The following CCDC171 variants were observed in gnomAD, a reference collection of about 807,000 sequenced individuals.
The protein encoded by CCDC171 is coiled-coil domain containing 171, also known as coiled-coil domain-containing protein 171.
CCDC171 carries 177 observed loss-of-function variants against 168.2 expected under a neutral mutation model. The ratio of observed to expected loss-of-function variants is 1.05; its 90% CI spans 0.93 to 1.19. CCDC171 has a LOEUF of 1.19. Among genes scored for constraint, CCDC171 ranks in the 50% most tolerant of loss-of-function variants. The probability of loss-of-function intolerance (pLI) is 0.00; values close to 1 mark genes in which losing one functional copy is unlikely to be tolerated. For synonymous variants in CCDC171, 687 were observed against 540.8 expected (o/e 1.27, Z -3.75); for missense variants, 1,991 against 1,539.0 (o/e 1.29, Z -4.91).
intron 14 of CCDC171, among the ~76,000 whole-genome samples, chr9:15,727,301 A>G (rs2053868091): frequency 6.6e-6 from 1 of 152,194 alleles, no homozygotes; most frequent in African/African-American, 2.4e-5. Context: ...GGCTTGGGAT[A>G]GATTTCCTAT....
chr9:15,827,104 G>C (rs1044014279), intron 21 of CCDC171, among the ~76,000 whole-genome samples: 6 of 152,106 alleles, frequency 3.9e-5, no homozygotes, highest in African/African-American at 1.4e-4. Context: ...TGAATATGCT[G>C]GTCCTTCCTT....
intron 7 of CCDC171, among the ~76,000 whole-genome samples, chr9:15,644,906 G>C (rs938747829): frequency 6.6e-6 from 1 of 152,208 alleles, no homozygotes; most frequent in Admixed American, 6.5e-5. Context: ...GGTTCTCCCA[G>C]CATGGAGTTT....
the CCDC171 span, among the ~76,000 whole-genome samples, chr9:16,105,538 T>C: frequency 6.6e-6 from 1 of 152,208 alleles, no homozygotes; most frequent in African/African-American, 2.4e-5. Flanking sequence ...GTAATTGTTA[T>C]TGGAACTAGC....
intron 25 of CCDC171, among the ~76,000 whole-genome samples, chr9:15,945,750 G>C (rs1828281914): frequency 6.6e-6 from 1 of 151,706 alleles, no homozygotes; most frequent in Non-Finnish European, 1.5e-5. Flanking sequence ...TTGTAAATTT[G>C]TTTGAGTTCA....
At chr9:15,720,788 C>G (rs899328043) in intron 11 of CCDC171, among the ~76,000 whole-genome samples, 1 of 152,100 alleles carries the variant, frequency 6.6e-6, no homozygotes, top group Non-Finnish European at 1.5e-5. Flanking sequence ...GTGCTGCACC[C>G]ATTAACTCGT....
At chr9:15,991,105 C>G (rs1428945143) in intron 3 of CCDC171, among the ~76,000 whole-genome samples, 1 of 152,178 alleles carries the variant, frequency 6.6e-6, no homozygotes, top group Non-Finnish European at 1.5e-5. Flanking sequence ...CTCTCCACCC[C>G]AAATCAACAG....
intron 25 of CCDC171, among the ~76,000 whole-genome samples, chr9:15,923,717 A>G (rs780413565): frequency 1.3e-5 from 2 of 151,564 alleles, no homozygotes; most frequent in Non-Finnish European, 3.0e-5. Flanking sequence ...CAATTTAACA[A>G]TGTATATATA....
chr9:15,862,211 C>G (rs561949324), intron 23 of CCDC171, among the ~76,000 whole-genome samples: 1 of 151,498 alleles, frequency 6.6e-6, no homozygotes, highest in South Asian at 2.1e-4. Flanking sequence ...TAAAAATTCT[C>G]TTTTTTTGAA....
In CCDC171 at chr9:15,642,705, G is replaced by C. The variant is rs571300428; in HGVS notation, c.823-14422G>C. On this transcript the variant is annotated intron_variant, in intron 7 of 25. Coordinates refer to ENST00000380701, the MANE Select transcript of CCDC171 (RefSeq NM_173550.4). ...CCTTACTGAGTAATTGATAGTTTCA[G>C]TAATAATAAGCACCTTATAATTTTC... Among the ~76,000 whole-genome samples, 30 of 152,074 alleles carry C rather than the reference G, an allele frequency of 2.0e-4. No individual in the cohort carries two copies. In the South Asian group the frequency reaches 6.2e-3, roughly 32 times the overall value.
At chr9:15,680,172 A>G (rs1036263840) in intron 10 of CCDC171, among the ~76,000 whole-genome samples, 7 of 152,200 alleles carry the variant, frequency 4.6e-5, no homozygotes, top group Non-Finnish European at 8.8e-5. Flanking sequence ...TTCATTTTAC[A>G]TACCTAGATT....
At chr9:16,060,462 C>G (rs1833916941) in intron 1 of CCDC171, among the ~76,000 whole-genome samples, 1 of 152,238 alleles carries the variant, frequency 6.6e-6, no homozygotes, top group Non-Finnish European at 1.5e-5. Context: ...ACCCCCCAGG[C>G]TGGGCCTCAG....
chr9:15,664,540 T>G (rs1023619192), intron 8 of CCDC171, among the ~76,000 whole-genome samples: 5 of 103,028 alleles, frequency 4.9e-5, no homozygotes, highest in African/African-American at 1.1e-4. Context: ...TGAGCCACTG[T>G]GCTTGGCCTG....
At chr9:15,706,479 G>A (rs1210958314) in intron 11 of CCDC171, among the ~76,000 whole-genome samples, 1 of 151,994 alleles carries the variant, frequency 6.6e-6, no homozygotes, top group Admixed American at 6.6e-5. Context: ...ATAGAGATGG[G>A]ATTTCACCAT....
At chr9:15,828,962 G>A (rs1005926734) in intron 21 of CCDC171, among the ~76,000 whole-genome samples, 3 of 152,152 alleles carry the variant, frequency 2.0e-5, no homozygotes, top group African/African-American at 7.2e-5. Flanking sequence ...GGCATGTTGA[G>A]TCCTGTCTCT....
In CCDC171 at chr9:15,827,346, T is replaced by C. The variant is rs1467986188; in HGVS notation, c.3268-19356T>C. Among the ~76,000 whole-genome samples the C allele has an allele frequency of 2.0e-5, 3 of 152,292 alleles. No individual in the cohort carries two copies. The East Asian group carries it at 5.8e-4, about 29-fold the overall frequency. ...AATTTCTATCTTCTACAGCTTGATTTACTCCCACCTTGTATTGTAGTGGTT... is the reference window on the plus strand; with the variant it reads ...AATTTCTATCTTCTACAGCTTGATTCACTCCCACCTTGTATTGTAGTGGTT... On this transcript the variant is annotated intron_variant, in intron 21 of 25. Coordinates refer to ENST00000380701, the MANE Select transcript of CCDC171 (RefSeq NM_173550.4).
chr9:15,593,929 A>G, intron 5 of CCDC171, 112 bp from the exon 6 acceptor site: 1 of 658,262 alleles, frequency 1.5e-6, no homozygotes, highest in Non-Finnish European at 2.7e-6. Context: ...ATGAATTATG[A>G]TGAGTTTTAA....
chr9:16,073,008 G>A, the CCDC171 span, among the ~76,000 whole-genome samples: 1 of 152,132 alleles, frequency 6.6e-6, no homozygotes, highest in Non-Finnish European at 1.5e-5. Flanking sequence ...ATGTCCTTGG[G>A]CAAGTTGCTT....
chr9:16,009,928 C>A (rs1358744137), intron 3 of CCDC171, among the ~76,000 whole-genome samples: 1 of 152,118 alleles, frequency 6.6e-6, no homozygotes, highest in East Asian at 1.9e-4. Flanking sequence ...TGAATGCTGG[C>A]AACTCTGTTA....
At chr9:15,632,327 A>G (rs1444131165) in intron 7 of CCDC171, among the ~76,000 whole-genome samples, 2 of 152,014 alleles carry the variant, frequency 1.3e-5, no homozygotes, top group African/African-American at 4.8e-5. Flanking sequence ...GCAAAGTCTC[A>G]GGATACAAAA....
Sources: allele counts gnomAD v4.1 joint callset (sites outside exome capture counted in the v4.1 genomes callset), GRCh38; gene constraint gnomAD v4.1.1; transcripts MANE v1.5; gene names NCBI Gene and HGNC (gene_info 2026-07-23, HGNC 2026-07-21).